APBA1: variants seen among roughly 807,000 people sequenced by gnomAD.
APBA1 encodes amyloid beta precursor protein binding family A member 1.
In APBA1, 55 loss-of-function variants were observed where a neutral mutation model predicts 86.6. That is an observed-to-expected ratio of 0.64 (90% CI 0.51 to 0.80). The LOEUF is 0.80. APBA1 is among the 30% of genes least tolerant of loss of function. The pLI is 0.00. For synonymous variants in APBA1, 511 were observed against 493.9 expected (o/e 1.03, Z -0.46); for missense variants, 1,090 against 1,183.0 (o/e 0.92, Z 1.15).
intron 1 of APBA1, among the ~76,000 whole-genome samples, chr9:69,670,013 T>C (rs1382068379): frequency 6.6e-6 from 1 of 152,198 alleles, no homozygotes; most frequent in Non-Finnish European, 1.5e-5. Flanking sequence ...ATTCCCTAAG[T>C]ACTTTTCTCA....
At chr9:69,601,511 T>C (rs1424399676) in intron 1 of APBA1, among the ~76,000 whole-genome samples, 1 of 152,218 alleles carries the variant, frequency 6.6e-6, no homozygotes, top group Non-Finnish European at 1.5e-5. Context: ...AGTGGGTAAA[T>C]TACATGAATT....
chr9:69,666,795 G>C (rs979902152), intron 1 of APBA1, among the ~76,000 whole-genome samples: 3 of 152,270 alleles, frequency 2.0e-5, no homozygotes, highest in Admixed American at 6.5e-5. Flanking sequence ...TGAATAAATA[G>C]TTTTAATGCT....
intron 1 of APBA1, among the ~76,000 whole-genome samples, chr9:69,576,626 T>C (rs1179984457): frequency 6.6e-6 from 1 of 152,022 alleles, no homozygotes; most frequent in Non-Finnish European, 1.5e-5. Context: ...AAACACCTCA[T>C]GTTCTCACTC....
At chr9:69,486,748 T>C (rs1835615650) in intron 2 of APBA1, among the ~76,000 whole-genome samples, 1 of 151,940 alleles carries the variant, frequency 6.6e-6, no homozygotes, top group African/African-American at 2.4e-5. Context: ...GAAATGAGGC[T>C]GCGGAGCCGG....
At chr9:69,574,344 T>C (rs1821735316) in intron 1 of APBA1, among the ~76,000 whole-genome samples, 1 of 152,220 alleles carries the variant, frequency 6.6e-6, no homozygotes, top group Non-Finnish European at 1.5e-5. Context: ...TCTAATGCAG[T>C]GATTGCTTCT....
At chr9:69,595,652 T>C (rs1198359229) in intron 1 of APBA1, among the ~76,000 whole-genome samples, 1 of 152,194 alleles carries the variant, frequency 6.6e-6, no homozygotes, top group Admixed American at 6.5e-5. Context: ...TTTCAGATGT[T>C]CGAAGTTGCT....
Position 69,429,146 on chromosome 9 carries a change from TG to T in APBA1, c.*2180del, listed in dbSNP as rs1834544434. 1 of 152,186 alleles carries T rather than the reference TG, an allele frequency of 6.6e-6. No homozygotes were observed. The highest frequency in any genetic ancestry group is 2.4e-5 in the African/African-American group (1 of 41,426). 9.4% of individuals were successfully genotyped at this position (152,186 alleles called of 1,614,324 possible). ...CCAGGTGCCTAGGGACAGACAGGCA[TG>T]GGCCCCTACGATGATTTTCCAAGGC... On this transcript the variant is annotated 3_prime_UTR_variant, in exon 13 of 13. Coordinates refer to ENST00000265381, the MANE Select transcript of APBA1 (RefSeq NM_001163.4).
Position 69,476,120 on chromosome 9 carries a change from G to A in APBA1, c.1224C>T (p.Ser408=), listed in dbSNP as rs780647641. 1.2e-6 allele frequency: 2 copies of A among 1,613,904 alleles called. No individual in the cohort carries two copies. The highest frequency in any genetic ancestry group is 1.7e-6 in the Non-Finnish European group (2 of 1,179,906). ...TGCTTGATGACTCTGCACCCAAGGG[G>A]GAGGAGCTGCCAGGAGACGGAGACT... ...DGDSPSPGSS[S]PLGAESSSTS... is the part of the protein sequence containing the mutation. The change falls in exon 3 of 13, where the codon TCC becomes TCT. Residue 408 remains serine, a synonymous_variant. Coordinates refer to ENST00000265381, the MANE Select transcript of APBA1 (RefSeq NM_001163.4).
intron 2 of APBA1, among the ~76,000 whole-genome samples, chr9:69,511,793 A>C (rs1222258183): frequency 1.3e-5 from 2 of 152,070 alleles, no homozygotes; most frequent in Admixed American, 6.6e-5. Context: ...TGAAATTGGA[A>C]ATCATCATTC....
chr9:69,496,805 A>T lies in APBA1; in HGVS notation c.1200+19206T>A, dbSNP rs76873457. ...CAAGAGTCCAGACTGAATATTCCTC[A>T]CCATTTAACTCTCCCTAGCCCATGG... is the stretch of plus-strand genomic sequence containing the variant. On this transcript the variant is annotated intron_variant, in intron 2 of 12. Coordinates refer to ENST00000265381, the MANE Select transcript of APBA1 (RefSeq NM_001163.4). Among the ~76,000 whole-genome samples the T allele has an allele frequency of 7.1e-3, 1,082 of 152,092 alleles. 15 individuals carry two copies. Among genetic ancestry groups the T allele is most frequent in the African/African-American group, 0.024 (1,008 of 41,474 alleles).
chr9:69,592,000 C>T lies in APBA1; in HGVS notation c.-69-74721G>A, dbSNP rs1195713991. Among the ~76,000 whole-genome samples the T allele has an allele frequency of 3.3e-5, 5 of 152,202 alleles. No homozygotes were observed. In the East Asian group the frequency reaches 7.7e-4, roughly 23 times the overall value. ...ACAAACCAGGTCTTCAAGACATGCT[C>T]GTTTCCTAAGCTGACTTTGATAGGA... On this transcript the variant is annotated intron_variant, in intron 1 of 12. Coordinates refer to ENST00000265381, the MANE Select transcript of APBA1 (RefSeq NM_001163.4).
intron 4 of APBA1, among the ~76,000 whole-genome samples, 200 bp from the exon 5 acceptor site, chr9:69,468,168 T>C (rs1835310900): frequency 6.6e-6 from 1 of 152,228 alleles, no homozygotes; most frequent in South Asian, 2.1e-4. Context: ...TAAAATATTT[T>C]GCTTCTCTAA....
intron 1 of APBA1, among the ~76,000 whole-genome samples, chr9:69,583,109 C>A (rs1363723087): frequency 6.6e-6 from 1 of 152,124 alleles, no homozygotes; most frequent in South Asian, 2.1e-4. Context: ...GTGGAACAGG[C>A]GCAGTACAGG....
At chr9:69,520,518 A>G (rs1326061416) in intron 1 of APBA1, among the ~76,000 whole-genome samples, 1 of 152,234 alleles carries the variant, frequency 6.6e-6, no homozygotes, top group Non-Finnish European at 1.5e-5. Context: ...GCTAATATTT[A>G]TTAGGTACTG....
At chr9:69,534,591 AAT>A (rs1253517760) in intron 1 of APBA1, among the ~76,000 whole-genome samples, 1 of 152,224 alleles carries the variant, frequency 6.6e-6, no homozygotes. Flanking sequence ...GTTTTAATAC[AAT>A]AAGCCAATAA....
chr9:69,512,896 T>A (rs1836074789), intron 2 of APBA1, among the ~76,000 whole-genome samples: 1 of 152,192 alleles, frequency 6.6e-6, no homozygotes, highest in Non-Finnish European at 1.5e-5. Flanking sequence ...CCATTTTCTA[T>A]AACAGCATAC....
At chr9:69,515,690 T>TGGGGGG (rs60382603) in intron 2 of APBA1, among the ~76,000 whole-genome samples, 15 of 110,788 alleles carry the variant, frequency 1.4e-4, no homozygotes, top group East Asian at 3.1e-4. Context: ...AATCAGAAAC[T>TGGGGGG]GGGGGGGGGG....
Position 69,570,830 on chromosome 9 carries a change from T to C in APBA1, c.-69-53551A>G, listed in dbSNP as rs184026507. On this transcript the variant is annotated intron_variant, in intron 1 of 12. Coordinates refer to ENST00000265381, the MANE Select transcript of APBA1 (RefSeq NM_001163.4). ...AAATAACATTTCATCCCCACGGCGA[T>C]TGATTACCAAAGCCTATGATTAGAA... 2.0e-3 allele frequency among the ~76,000 whole-genome samples: 304 copies of C among 152,336 alleles called. 1 individual carries two copies. The highest frequency in any genetic ancestry group is 3.3e-3 in the Non-Finnish European group (222 of 68,038).
chr9:69,517,196 C>G lies in APBA1; in HGVS notation c.15G>C (p.Glu5Asp). The change falls in exon 2 of 13, where the codon GAG becomes GAC. Residue 5 changes from glutamate to aspartate, a missense_variant. This residue lies in a region of APBA1 where 678 missense variants were observed against 647.1 expected (regional missense o/e 1.05). Transcript: ENST00000265381. The part of the protein sequence containing the change: MNHL[E>D]GSAEVEVTDE... ...CGGTCACCTCCACCTCCGCAGACCC[C>G]TCCAAGTGGTTCATGGTGGGAGTCG... 1 of 1,507,222 alleles carries G rather than the reference C, an allele frequency of 6.6e-7. No homozygotes were observed. Among genetic ancestry groups the G allele is most frequent in the Admixed American group, 2.2e-5 (1 of 45,554 alleles). 93.4% of individuals were successfully genotyped at this position (1,507,222 alleles called of 1,614,324 possible). A position where few individuals can be genotyped will look rare whatever the true frequency, so the allele number is the denominator to read the frequency against.
Sources: gnomAD v4.1 joint callset for allele counts (sites outside exome capture counted in the v4.1 genomes callset) on GRCh38, gnomAD v4.1.1 for gene constraint, gnomAD v4.1.1 regional missense constraint, MANE v1.5 for transcripts, NCBI Gene and HGNC (gene_info 2026-07-23, HGNC 2026-07-21) for gene names.